The following CYP4A22 variants were observed in gnomAD, a reference collection of about 807,000 sequenced individuals.
The protein encoded by CYP4A22 is cytochrome P450 4A22.
CYP4A22 carries 46 observed loss-of-function variants against 56.2 expected under a neutral mutation model. The ratio of observed to expected loss-of-function variants is 0.82; its 90% CI spans 0.65 to 1.05. The LOEUF (loss-of-function observed/expected upper bound fraction) is 1.05, where lower values mean the gene tolerates loss of function less well. Ranked by LOEUF, CYP4A22 falls within the 50% of genes least tolerant of loss-of-function variation. The pLI, the probability that CYP4A22 is intolerant of heterozygous loss-of-function variation, is 0.00. For synonymous variants in CYP4A22, 193 were observed against 251.1 expected (o/e 0.77, Z 2.19); for missense variants, 541 against 645.9 (o/e 0.84, Z 1.76).
At chr1:47,146,036 C>G in intron 10 of CYP4A22, 41 bp from the exon 11 acceptor site, 2 of 1,614,200 alleles carry the variant, frequency 1.2e-6, no homozygotes, top group Non-Finnish European at 1.7e-6. Context: ...CAAGTAGGTG[C>G]TGGATCCTTA....
At chr1:47,138,067 T>C (rs1644964283) in intron 1 of CYP4A22, among the ~76,000 whole-genome samples, 1 of 152,096 alleles carries the variant, frequency 6.6e-6, no homozygotes. Flanking sequence ...GGCCCTGCAT[T>C]TGCCTGGGAG....
chr1:47,149,691 T>C lies in CYP4A22; in HGVS notation c.*894T>C, dbSNP rs1415496218. ...GCCTGCTTGTCTGTTCCTATATTAGTTTCCTATTGCTGCTGTAATAAACTA... is the reference window on the plus strand; with the variant it reads ...GCCTGCTTGTCTGTTCCTATATTAGCTTCCTATTGCTGCTGTAATAAACTA... On this transcript the variant is annotated 3_prime_UTR_variant, in exon 12 of 12. Transcript: ENST00000371891. 2.0e-5 allele frequency: 3 copies of C among 152,226 alleles called. No homozygotes were observed. The highest frequency in any genetic ancestry group is 7.2e-5 in the African/African-American group (3 of 41,454). 9.4% of individuals were successfully genotyped at this position (152,226 alleles called of 1,614,324 possible).
At chr1:47,143,719 G>T in intron 5 of CYP4A22, 43 bp from the exon 6 acceptor site, 1 of 1,549,688 alleles carries the variant, frequency 6.5e-7, no homozygotes, top group Non-Finnish European at 8.7e-7. Flanking sequence ...TCCGGGTAAT[G>T]GGCCCACCCC....
chr1:47,146,015 C>T, intron 10 of CYP4A22, 62 bp from the exon 11 acceptor site: 1 of 1,614,124 alleles, frequency 6.2e-7, no homozygotes, highest in Non-Finnish European at 8.5e-7. Context: ...GTACTGTACC[C>T]TCATGGGTGG....
intron 1 of CYP4A22, 66 bp from the exon 2 acceptor site, chr1:47,140,714 C>T: frequency 1.3e-6 from 2 of 1,591,786 alleles, no homozygotes; most frequent in Non-Finnish European, 1.7e-6. Flanking sequence ...AGTTGTCCTG[C>T]CCTTCACTCC....
rs554308588 is a variant in CYP4A22, at chr1:47,148,955, C to G, written c.*158C>G. ...TCTCTCTCACCTTTCTCCAAGCTCC[C>G]TACCTGCTTGTCTACCTGTCTCCTA... is the stretch of plus-strand genomic sequence containing the variant. On this transcript the variant is annotated 3_prime_UTR_variant, in exon 12 of 12. Transcript: ENST00000371891. 3 of 779,306 alleles carry G rather than the reference C, an allele frequency of 3.8e-6. No individual in the cohort carries two copies. Among genetic ancestry groups the G allele is most frequent in the Admixed American group, 3.1e-5 (1 of 32,224 alleles). 48.3% of individuals were successfully genotyped at this position (779,306 alleles called of 1,614,324 possible).
chr1:47,145,929 A>T lies in CYP4A22; in HGVS notation c.1286A>T (p.Glu429Val). ...AACCCAAAAGTGTGGCCCAACCTAG[A>T]GGTATGTGGTCCTTGAGAGGAGGAA... ...HHNPKVWPNL[E>V]VFDPSRFAPG... The change falls in exon 10 of 12, where the codon GAG becomes GTG. Residue 429 changes from glutamate (E) to valine (V), a missense_variant and splice_region_variant. Around this residue, in one of 3 missense-constraint regions of CYP4A22, gnomAD observed 204 missense variants for 258.9 expected, o/e 0.79. Coordinates refer to ENST00000371891, the MANE Select transcript of CYP4A22 (RefSeq NM_001010969.4). 1 of 1,614,104 alleles carries T rather than the reference A, an allele frequency of 6.2e-7. No homozygotes were observed. The highest frequency in any genetic ancestry group is 8.5e-7 in the Non-Finnish European group (1 of 1,180,002).
intron 1 of CYP4A22, among the ~76,000 whole-genome samples, chr1:47,138,889 C>A (rs1435414299): frequency 1.3e-5 from 2 of 152,170 alleles, no homozygotes; most frequent in African/African-American, 4.8e-5. Context: ...GAGGGACTCA[C>A]CAAGGTGCTA....
intron 1 of CYP4A22, among the ~76,000 whole-genome samples, chr1:47,140,038 G>T (rs1233215303): frequency 2.6e-5 from 4 of 152,206 alleles, no homozygotes; most frequent in Non-Finnish European, 2.9e-5. Flanking sequence ...AGCAGGGCTG[G>T]AGGCAAGAAA....
chr1:47,145,381 A>C (rs1185272642), intron 9 of CYP4A22, among the ~76,000 whole-genome samples: 1 of 152,184 alleles, frequency 6.6e-6, no homozygotes, highest in African/African-American at 2.4e-5. Context: ...GAGAGCAGCC[A>C]ATGACCAGAT....
Position 47,144,985 on chromosome 1 carries a change from C to G in CYP4A22, c.1222+15C>G. The G allele has an allele frequency of 1.2e-6, 2 of 1,613,886 alleles. No individual in the cohort carries two copies. Among genetic ancestry groups the G allele is most frequent in the Middle Eastern group, 1.6e-4 (1 of 6,062 alleles). The stretch of plus-strand genomic sequence containing the variant: ...CTTGCCCAAAGGTATGAAGTTTCCC[C>G]ACCCTCTCACCCAAAGTCTCCACGG... On this transcript the variant is annotated intron_variant, in intron 9 of 11. Coordinates refer to ENST00000371891, the MANE Select transcript of CYP4A22 (RefSeq NM_001010969.4).
intron 6 of CYP4A22, 29 bp from the exon 7 acceptor site, chr1:47,144,328 T>C (rs779268083): frequency 6.2e-7 from 1 of 1,607,640 alleles, no homozygotes; most frequent in Non-Finnish European, 8.5e-7. Flanking sequence ...CGGTCTCAGC[T>C]CTGCCTGGTA....
intron 3 of CYP4A22, 141 bp from the exon 4 acceptor site, chr1:47,141,967 T>C (rs1276616054): frequency 1.6e-6 from 2 of 1,256,418 alleles, no homozygotes; most frequent in Non-Finnish European, 2.2e-6. Context: ...CTCCTTTTCC[T>C]GCATTTGCCC....
Position 47,144,441 on chromosome 1 carries a change from T to C in CYP4A22, c.875T>C (p.Leu292Pro), listed in dbSNP as rs758739769. 3 of 1,613,896 alleles carry C rather than the reference T, an allele frequency of 1.9e-6. No individual in the cohort carries two copies. The African/African-American group carries it at 4.0e-5, about 22-fold the overall frequency. Residue 292 changes from leucine (L) to proline (P), a missense_variant, in exon 7 of 12, where the codon CTG becomes CCG. Coordinates refer to ENST00000371891, the MANE Select transcript of CYP4A22 (RefSeq NM_001010969.4). ...AAGAGGAAGAGGCACTTGGATTTTCTGGACATCCTCCTCTTGGCCAAAGTG... is the reference window on the plus strand; with the variant it reads ...AAGAGGAAGAGGCACTTGGATTTTCCGGACATCCTCCTCTTGGCCAAAGTG... ...KIKRKRHLDFLDILLLAKMEN... is the reference protein window; with the variant it reads ...KIKRKRHLDFPDILLLAKMEN...
intron 11 of CYP4A22, among the ~76,000 whole-genome samples, chr1:47,147,775 G>A (rs922279249): frequency 1.3e-5 from 2 of 152,198 alleles, no homozygotes; most frequent in Non-Finnish European, 2.9e-5. Context: ...GGGCTGGACA[G>A]GTAAAATGTG....
intron 1 of CYP4A22, among the ~76,000 whole-genome samples, chr1:47,138,739 C>T (rs1424430138): frequency 6.6e-6 from 1 of 152,150 alleles, no homozygotes; most frequent in Non-Finnish European, 1.5e-5. Flanking sequence ...ATTGGACACA[C>T]CAGGTGTAGA....
In CYP4A22 at chr1:47,144,752, C is replaced by T. The variant is rs199501863; in HGVS notation, c.1088+12C>T. ...GCCTCCATCACCTGGTGAGTGAGGG[C>T]TCAAAAGATGGGGTTCCCTGCCTTC... On this transcript the variant is annotated intron_variant, in intron 8 of 11. Coordinates refer to ENST00000371891, the MANE Select transcript of CYP4A22 (RefSeq NM_001010969.4). 193 of 1,613,296 alleles carry T rather than the reference C, an allele frequency of 1.2e-4. 1 individual carries two copies. The East Asian group carries it at 4.1e-3, about 34-fold the overall frequency.
chr1:47,138,507 C>T (rs1644970368), intron 1 of CYP4A22, among the ~76,000 whole-genome samples: 1 of 152,210 alleles, frequency 6.6e-6, no homozygotes, highest in African/African-American at 2.4e-5. Context: ...ATGGTCAGCT[C>T]AGGTGAATAG....
rs747992185 is a variant in CYP4A22, at chr1:47,140,761, T to A, written c.196-19T>A. 1 of 1,613,840 alleles carries A rather than the reference T, an allele frequency of 6.2e-7. No individual in the cohort carries two copies. The highest frequency in any genetic ancestry group is 1.7e-5 in the Admixed American group (1 of 60,008). ...CTAGAAGTAAATGAAAGTGTTCATC[T>A]GTCTACCCTCGTTGACAGTTCCAAC... On this transcript the variant is annotated intron_variant, in intron 1 of 11. Transcript: ENST00000371891.
Sources: gnomAD v4.1 joint callset for allele counts (sites outside exome capture counted in the v4.1 genomes callset) on GRCh38, gnomAD v4.1.1 for gene constraint, gnomAD v4.1.1 regional missense constraint, MANE v1.5 for transcripts, NCBI Gene and HGNC (gene_info 2026-07-23, HGNC 2026-07-21) for gene names.